SPEN: variants seen among roughly 807,000 people sequenced by gnomAD.
The protein encoded by SPEN is spen family transcriptional repressor.
In SPEN, 18 loss-of-function variants were observed where a neutral mutation model predicts 269.9. The observed-to-expected ratio is 0.07, with a 90% CI of 0.05 to 0.10. SPEN has a LOEUF of 0.10. Ranked by LOEUF, SPEN falls within the 10% of genes least tolerant of loss-of-function variation. The probability of loss-of-function intolerance (pLI) is 1.00; values close to 1 mark genes in which losing one functional copy is unlikely to be tolerated. For synonymous variants in SPEN, 1,726 were observed against 1,765.7 expected (o/e 0.98, Z 0.56); for missense variants, 3,822 against 4,631.2 (o/e 0.83, Z 5.07).
chr1:15,895,947 G>A (rs2070838056), intron 3 of SPEN, among the ~76,000 whole-genome samples: 1 of 151,860 alleles, frequency 6.6e-6, no homozygotes, highest in Non-Finnish European at 1.5e-5. Context: ...GCCTCCCAAA[G>A]TGCTGGGATT....
In SPEN at chr1:15,933,187, A is replaced by G. The variant is rs1281356701; in HGVS notation, c.6947A>G (p.Lys2316Arg). ...ACCTCACACTCAGTGCCAGAAGCCA[A>G]AGGGTCTAAAGAAGTGGAAGTCACT... ...SETSHSVPEAKGSKEVEVTLV... is the reference protein window; with the variant it reads ...SETSHSVPEARGSKEVEVTLV... The change falls in exon 11 of 15, where the codon AAA becomes AGA. Residue 2316 changes from lysine (K) to arginine (R), a missense_variant. Physicochemically the swap from Lys to Arg is conservative, Grantham distance 26. Around this residue, in one of 16 missense-constraint regions of SPEN, gnomAD observed 727 missense variants for 737.9 expected, o/e 0.99. Transcript: ENST00000375759. This position sits in a 1 kb window ranked among gnomAD's most constrained non-coding sequence, Gnocchi z 5.7. The G allele has an allele frequency of 6.2e-6, 10 of 1,614,106 alleles. No individual in the cohort carries two copies. Among genetic ancestry groups the G allele is most frequent in the Non-Finnish European group, 8.5e-6 (10 of 1,180,046 alleles).
chr1:15,884,665 GC>G (rs1421883706), intron 3 of SPEN, among the ~76,000 whole-genome samples: 5 of 152,070 alleles, frequency 3.3e-5, no homozygotes, highest in African/African-American at 9.7e-5. Context: ...AGACATAGCA[GC>G]AGTTTTAAAA....
chr1:15,927,950 A>C (rs975379473), intron 10 of SPEN, 141 bp from the exon 11 acceptor site: 1 of 755,446 alleles, frequency 1.3e-6, no homozygotes, highest in African/African-American at 1.8e-5. Context: ...GTGGATAGCT[A>C]CTACAAACTA....
Position 15,875,736 on chromosome 1 carries a change from A to G in SPEN, c.405-466A>G, listed in dbSNP as rs570248742. Among the ~76,000 whole-genome samples the G allele has an allele frequency of 9.2e-5, 14 of 152,340 alleles. 1 individual carries two copies. In the South Asian group the frequency reaches 2.5e-3, roughly 27 times the overall value. ...TGAAAGTCCTTCCTATTGTTGAGACATGCGCTGCAGCAGGGCTTTCATGTC... is the reference window on the plus strand; with the variant it reads ...TGAAAGTCCTTCCTATTGTTGAGACGTGCGCTGCAGCAGGGCTTTCATGTC... On this transcript the variant is annotated intron_variant, in intron 2 of 14. Coordinates refer to ENST00000375759, the MANE Select transcript of SPEN (RefSeq NM_015001.3).
chr1:15,895,870 G>T (rs912237773), intron 3 of SPEN, among the ~76,000 whole-genome samples: 3 of 151,694 alleles, frequency 2.0e-5, no homozygotes, highest in African/African-American at 7.3e-5. Context: ...TTTTATTAGA[G>T]TTGGGGTTTC....
chr1:15,931,910 C>G lies in SPEN; in HGVS notation c.5670C>G (p.Pro1890=). Reference sequence around the variant, plus strand: ...ACTCTGCTGCAGACCTTGAACATCCCGAACCAAGTTTGCCTCTCAGCCGAA... The same window carrying G: ...ACTCTGCTGCAGACCTTGAACATCCGGAACCAAGTTTGCCTCTCAGCCGAA... ...SKNSAADLEH[P]EPSLPLSRTR... Residue 1890 remains proline (P), a synonymous_variant, in exon 11 of 15, where the codon CCC becomes CCG. Coordinates refer to ENST00000375759, the MANE Select transcript of SPEN (RefSeq NM_015001.3). This position sits in a 1 kb window ranked among gnomAD's most constrained non-coding sequence, Gnocchi z 4.8. 1 of 1,614,160 alleles carries G rather than the reference C, an allele frequency of 6.2e-7. No homozygotes were observed. Among genetic ancestry groups the G allele is most frequent in the South Asian group, 1.1e-5 (1 of 91,082 alleles).
Position 15,935,981 on chromosome 1 carries a change from TGCCCCC to T in SPEN, c.9743_9748del (p.Ala3248_Pro3249del), listed in dbSNP as rs1553180201. 1.1e-4 allele frequency: 67 copies of T among 604,534 alleles called. No homozygotes were observed. Among genetic ancestry groups the T allele is most frequent in the Non-Finnish European group, 1.6e-4 (66 of 422,044 alleles). 37.4% of individuals were successfully genotyped at this position (604,534 alleles called of 1,614,324 possible). On this transcript the variant is annotated inframe_deletion, in exon 11 of 15. Transcript: ENST00000375759. This position sits in a 1 kb window ranked among gnomAD's most constrained non-coding sequence, Gnocchi z 7.7. ...CCAAAGCTGCCCCCACCCCCACCCC[TGCCCCC>T]GTCCCTGTCCCTGTCCCCCTTCCTG...
chr1:15,901,306 ACT>A (rs1204469424), intron 3 of SPEN, among the ~76,000 whole-genome samples: 3 of 150,566 alleles, frequency 2.0e-5, no homozygotes, highest in Non-Finnish European at 4.4e-5. Context: ...AAGAGTAGAG[ACT>A]CTGTCTGGTA....
rs1557762941 is a variant in SPEN, at chr1:15,935,793, C to A, written c.9553C>A (p.Arg3185=). 1 of 1,613,820 alleles carries A rather than the reference C, an allele frequency of 6.2e-7. No individual in the cohort carries two copies. Among genetic ancestry groups the A allele is most frequent in the Non-Finnish European group, 8.5e-7 (1 of 1,179,996 alleles). The change falls in exon 11 of 15, where the codon CGA becomes AGA. Residue 3185 remains arginine (R), a synonymous_variant. Coordinates refer to ENST00000375759, the MANE Select transcript of SPEN (RefSeq NM_015001.3). This position sits in a 1 kb window ranked among gnomAD's most constrained non-coding sequence, Gnocchi z 7.7. ...GGTACTAGTCATGCAGTCTGAGTAC[C>A]GACTGCACCCCTATACTGTGCCACG... The part of the protein sequence containing the change: ...SEVLVMQSEY[R]LHPYTVPRDV...
chr1:15,902,553 TATA>T (rs1408729419), intron 3 of SPEN, among the ~76,000 whole-genome samples: 2 of 152,198 alleles, frequency 1.3e-5, no homozygotes, highest in Non-Finnish European at 2.9e-5. Context: ...GGCTCACGCC[TATA>T]ATCTGCACTT....
chr1:15,931,361 C>T lies in SPEN; in HGVS notation c.5121C>T (p.Asp1707=), dbSNP rs756437947. 1.2e-6 allele frequency: 2 copies of T among 1,614,168 alleles called. No individual in the cohort carries two copies. Among genetic ancestry groups the T allele is most frequent in the East Asian group, 4.5e-5 (2 of 44,890 alleles). The change falls in exon 11 of 15, where the codon GAC becomes GAT. Residue 1707 remains aspartate, a synonymous_variant. Transcript: ENST00000375759. This position sits in a 1 kb window ranked among gnomAD's most constrained non-coding sequence, Gnocchi z 4.8. ...LEQVDLPPGA[D]PDKEAAMMPA... is the part of the protein sequence containing the mutation. ...AAGTAGACCTGCCCCCAGGAGCAGA[C>T]CCCGATAAAGAAGCTGCCATGATGC...
intron 1 of SPEN, among the ~76,000 whole-genome samples, chr1:15,863,785 G>T (rs1292176365): frequency 6.6e-6 from 1 of 152,100 alleles, no homozygotes; most frequent in Non-Finnish European, 1.5e-5. Context: ...AGGCTGCAGT[G>T]AGCCATGATT....
chr1:15,871,411 G>C (rs995832024), intron 1 of SPEN, among the ~76,000 whole-genome samples: 11 of 152,138 alleles, frequency 7.2e-5, no homozygotes, highest in African/African-American at 2.7e-4. Flanking sequence ...CACGATCTTG[G>C]CACACTGCAA....
chr1:15,915,325 G>C (rs534964025), intron 5 of SPEN, among the ~76,000 whole-genome samples: 8 of 151,812 alleles, frequency 5.3e-5, no homozygotes, highest in Non-Finnish European at 1.0e-4. Flanking sequence ...GCAACAGGCT[G>C]GGGGGGTGGA....
intron 5 of SPEN, among the ~76,000 whole-genome samples, chr1:15,912,949 T>G (rs1188428909): frequency 2.0e-5 from 3 of 152,198 alleles, no homozygotes; most frequent in African/African-American, 7.2e-5. Context: ...AACCTAGTTA[T>G]TTAGCACCTA....
At chr1:15,888,658 G>GT (rs1484305284) in intron 3 of SPEN, among the ~76,000 whole-genome samples, 1 of 150,388 alleles carries the variant, frequency 6.6e-6, no homozygotes, top group Non-Finnish European at 1.5e-5. Context: ...TTGAGACAGT[G>GT]TTTTGCTCTT....
At chr1:15,855,678 A>T (rs1332953450) in intron 1 of SPEN, among the ~76,000 whole-genome samples, 1 of 151,994 alleles carries the variant, frequency 6.6e-6, no homozygotes, top group Non-Finnish European at 1.5e-5. Flanking sequence ...CCTGGCCAAC[A>T]TGGTGAAACC....
chr1:15,913,470 A>G (rs2071029621), intron 5 of SPEN, among the ~76,000 whole-genome samples: 1 of 151,954 alleles, frequency 6.6e-6, no homozygotes, highest in Non-Finnish European at 1.5e-5. Context: ...TGATTGATTG[A>G]TTGGAGACAG....
At chr1:15,911,451 G>A in intron 5 of SPEN, 150 bp downstream of exon 5, 1 of 695,178 alleles carries the variant, frequency 1.4e-6, no homozygotes, top group Non-Finnish European at 2.5e-6. Flanking sequence ...TTAAAAGATG[G>A]TTCTATTTAT....
Sources: gnomAD v4.1 joint callset for allele counts (sites outside exome capture counted in the v4.1 genomes callset) on GRCh38, gnomAD v4.1.1 for gene constraint, gnomAD v4.1.1 regional missense constraint, Gnocchi (gnomAD v3.1) non-coding constraint, MANE v1.5 for transcripts, NCBI Gene and HGNC (gene_info 2026-07-23, HGNC 2026-07-21) for gene names.